Variants in TEAD4 observed in about 807,000 individuals in gnomAD.
TEAD4 encodes TEA domain transcription factor 4.
In TEAD4, 36 loss-of-function variants were observed where a neutral mutation model predicts 52.4. The ratio of observed to expected loss-of-function variants is 0.69; its 90% confidence interval spans 0.53 to 0.91. The LOEUF (loss-of-function observed/expected upper bound fraction) is 0.91, where lower values mean the gene tolerates loss of function less well. TEAD4 is among the 40% of genes least tolerant of loss of function. The pLI, the probability that TEAD4 is intolerant of heterozygous loss-of-function variation, is 0.00. For missense variants in TEAD4, 508 were observed against 583.9 expected (o/e 0.87, Z 1.34); for synonymous variants, 220 against 231.0 (o/e 0.95, Z 0.43).
chr12:2,995,481 T>C (rs1271026357), intron 3 of TEAD4, among the ~76,000 whole-genome samples: 1 of 152,174 alleles, frequency 6.6e-6, no homozygotes, highest in Non-Finnish European at 1.5e-5. Flanking sequence ...CACAGATACC[T>C]GCTCTGCAAG....
intron 2 of TEAD4, among the ~76,000 whole-genome samples, chr12:2,974,115 C>T (rs954816084): frequency 6.6e-6 from 1 of 152,164 alleles, no homozygotes; most frequent in Non-Finnish European, 1.5e-5. Context: ...TTTCAAGGTG[C>T]CTTAGCCTCC....
chr12:3,027,406 A>T (rs2098272710), intron 10 of TEAD4, among the ~76,000 whole-genome samples: 1 of 152,102 alleles, frequency 6.6e-6, no homozygotes, highest in African/African-American at 2.4e-5. Context: ...GCTTTCTTGC[A>T]ATGTAATTAA....
chr12:3,031,422 C>T (rs1034889820), intron 10 of TEAD4, among the ~76,000 whole-genome samples: 2 of 152,184 alleles, frequency 1.3e-5, no homozygotes, highest in East Asian at 1.9e-4. Flanking sequence ...GTGGCATGTC[C>T]GGGACCCTCT....
intron 2 of TEAD4, among the ~76,000 whole-genome samples, chr12:2,986,687 A>G (rs910908377): frequency 3.3e-5 from 5 of 152,100 alleles, no homozygotes; most frequent in African/African-American, 1.2e-4. Flanking sequence ...ATAAAAAGAG[A>G]CGACAAAAAG....
intron 2 of TEAD4, among the ~76,000 whole-genome samples, chr12:2,985,568 C>T (rs183162843): frequency 0.011 from 1,325 of 125,472 alleles, 18 homozygotes; most frequent in African/African-American, 0.033. Flanking sequence ...TGTAGTGGCA[C>T]GATCTCGGCT....
intron 2 of TEAD4, among the ~76,000 whole-genome samples, chr12:2,966,267 C>CCT (rs2153952305): frequency 6.6e-6 from 1 of 152,206 alleles, no homozygotes; most frequent in South Asian, 2.1e-4. Context: ...GATGCTGACT[C>CCT]CTAACTCCTG....
chr12:2,971,795 CT>C (rs1017536819), intron 2 of TEAD4, among the ~76,000 whole-genome samples: 54 of 140,600 alleles, frequency 3.8e-4, no homozygotes, highest in South Asian at 1.8e-3. Context: ...TTTTTATATC[CT>C]TTTTTTTTTC....
intron 8 of TEAD4, among the ~76,000 whole-genome samples, chr12:3,019,460 C>G (rs2098267085): frequency 6.6e-6 from 1 of 152,246 alleles, no homozygotes; most frequent in Admixed American, 6.5e-5. Context: ...TGCCCGTGCC[C>G]TGGCGGCTGC....
At chr12:2,978,105 C>G (rs1483101200) in intron 2 of TEAD4, among the ~76,000 whole-genome samples, 1 of 152,144 alleles carries the variant, frequency 6.6e-6, no homozygotes, top group Non-Finnish European at 1.5e-5. Context: ...TAACCAGGCC[C>G]TTTCCTTTGC....
At chr12:2,992,015 G>C in intron 2 of TEAD4, among the ~76,000 whole-genome samples, 1 of 38,166 alleles carries the variant, frequency 2.6e-5, no homozygotes, top group African/African-American at 8.7e-5. Context: ...GGCGGTTCCT[G>C]CTTTTTTTTT....
chr12:2,965,833 C>G (rs376205567), intron 2 of TEAD4, among the ~76,000 whole-genome samples: 1 of 152,086 alleles, frequency 6.6e-6, no homozygotes, highest in Non-Finnish European at 1.5e-5. Flanking sequence ...CGTGAGCCAC[C>G]GCGCCCGGCC....
At chr12:2,975,766 TA>T (rs2098229127) in intron 2 of TEAD4, among the ~76,000 whole-genome samples, 1 of 152,156 alleles carries the variant, frequency 6.6e-6, no homozygotes, top group Non-Finnish European at 1.5e-5. Context: ...ACATGGGTAA[TA>T]ATGTGTACCC....
At chr12:3,024,129 C>T (rs2098270534) in intron 10 of TEAD4, among the ~76,000 whole-genome samples, 1 of 151,688 alleles carries the variant, frequency 6.6e-6, no homozygotes, top group South Asian at 2.1e-4. Flanking sequence ...GCTAGAGGTG[C>T]AGTGGCGTGA....
At chr12:3,021,680 A>G (rs2098268802) in intron 9 of TEAD4, among the ~76,000 whole-genome samples, 164 bp from the exon 10 acceptor site, 1 of 152,218 alleles carries the variant, frequency 6.6e-6, no homozygotes, top group African/African-American at 2.4e-5. Flanking sequence ...GATGTAAAAC[A>G]AAAGGAGTAG....
intron 5 of TEAD4, 141 bp downstream of exon 5, chr12:3,012,373 T>C (rs2098261003): frequency 3.4e-6 from 3 of 880,828 alleles, no homozygotes; most frequent in Non-Finnish European, 5.2e-6. Context: ...GTTGGGCCTG[T>C]AACCTCTCTC....
In TEAD4 at chr12:3,040,531, C is replaced by G; in HGVS notation, c.*53C>G. ...GAGACGTGTGTGCAGGAAACGGGGACGTGGGGAGGGGACCTGCAGGGGCAG... is the reference window on the plus strand; with the variant it reads ...GAGACGTGTGTGCAGGAAACGGGGAGGTGGGGAGGGGACCTGCAGGGGCAG... On this transcript the variant is annotated 3_prime_UTR_variant, in exon 13 of 13. Coordinates refer to ENST00000359864, the MANE Select transcript of TEAD4 (RefSeq NM_003213.4). The G allele has an allele frequency of 6.5e-7, 1 of 1,527,718 alleles. No homozygotes were observed. Among genetic ancestry groups the G allele is most frequent in the Non-Finnish European group, 9.0e-7 (1 of 1,108,984 alleles). 94.6% of individuals were successfully genotyped at this position (1,527,718 alleles called of 1,614,324 possible). A position where few individuals can be genotyped will look rare whatever the true frequency, so the allele number is the denominator to read the frequency against.
intron 8 of TEAD4, among the ~76,000 whole-genome samples, chr12:3,020,126 G>T (rs1170463008): frequency 2.6e-5 from 4 of 152,166 alleles, no homozygotes; most frequent in African/African-American, 9.7e-5. Flanking sequence ...ACTGGAGTAG[G>T]TTCATCTGTT....
intron 10 of TEAD4, among the ~76,000 whole-genome samples, chr12:3,035,569 C>T (rs2098278846): frequency 6.6e-6 from 1 of 152,182 alleles, no homozygotes; most frequent in South Asian, 2.1e-4. Flanking sequence ...CACCTGCAAT[C>T]CCAACACTTT....
rs114422803 is a variant in TEAD4 at position 3,038,985 on chromosome 12, G to A, written c.1038+877G>A. ...CTCCTCACCGTGCAGGCCAGTCTTC[G>A]TCCCTCTCCTCACCCCTTCCCCAGA... is the stretch of plus-strand genomic sequence containing the variant. On this transcript the variant is annotated intron_variant, in intron 11 of 12. Transcript: ENST00000359864. Among the ~76,000 whole-genome samples the A allele has an allele frequency of 5.2e-3, 789 of 152,238 alleles. 8 individuals are homozygous for A. The highest frequency in any genetic ancestry group is 0.018 in the African/African-American group (759 of 41,556).
Sources: gnomAD v4.1 joint callset for allele counts (sites outside exome capture counted in the v4.1 genomes callset) on GRCh38, gnomAD v4.1.1 for gene constraint, MANE v1.5 for transcripts, NCBI Gene and HGNC (gene_info 2026-07-23, HGNC 2026-07-21) for gene names.